MAP7: variants seen among roughly 807,000 people sequenced by gnomAD.
MAP7 encodes the protein microtubule associated protein 7.
A neutral mutation model predicts 94.8 loss-of-function variants in MAP7; 52 were observed. The observed-to-expected ratio is 0.55, with a 90% confidence interval of 0.44 to 0.69. The LOEUF is 0.69. MAP7 is among the 30% of genes least tolerant of loss of function. MAP7 has a pLI of 0.00. For synonymous variants in MAP7, 350 were observed against 357.0 expected, an observed-to-expected ratio of 0.98 and a Z score of 0.22; for missense variants, 940 against 964.6, an observed-to-expected ratio of 0.97 and a Z score of 0.34.
At chr6:136,418,868 C>T (rs1790361132) in intron 2 of MAP7, among the ~76,000 whole-genome samples, 1 of 152,126 alleles carries the variant, frequency 6.6e-6, no homozygotes, top group Admixed American at 6.5e-5. Flanking sequence ...ACACATAACT[C>T]ATATTGTCCT....
chr6:136,482,494 G>A (rs930761061), intron 1 of MAP7, among the ~76,000 whole-genome samples: 4 of 151,940 alleles, frequency 2.6e-5, no homozygotes, highest in Admixed American at 1.3e-4. Context: ...CCAGCCACTC[G>A]GGAGGCTGAG....
intron 1 of MAP7, among the ~76,000 whole-genome samples, chr6:136,539,061 A>C (rs1228526993): frequency 1.3e-5 from 2 of 152,188 alleles, no homozygotes; most frequent in South Asian, 2.1e-4. Context: ...ATTATAAATA[A>C]AAAACGGCTT....
chr6:136,476,398 C>T (rs1427966553), intron 1 of MAP7, among the ~76,000 whole-genome samples: 1 of 152,060 alleles, frequency 6.6e-6, no homozygotes, highest in Non-Finnish European at 1.5e-5. Context: ...TTCTAAAGTA[C>T]CTTCTAGAAC....
intron 16 of MAP7, 130 bp from the exon 17 acceptor site, chr6:136,346,209 G>A (rs1367613216): frequency 6.6e-6 from 4 of 605,564 alleles, no homozygotes; most frequent in African/African-American, 5.6e-5. Flanking sequence ...AGACTGGTGA[G>A]TCACATCATT....
In MAP7 at chr6:136,479,701, T is replaced by A. The variant is rs2876332; in HGVS notation, c.68-57902A>T. On this transcript the variant is annotated intron_variant, in intron 1 of 17. Coordinates refer to ENST00000354570, the MANE Select transcript of MAP7 (RefSeq NM_003980.6). ...CAAACATACAAAAATCAGTAGCATT[T>A]CCATACACCAACAGCAAACAGTCAA... Among the ~76,000 whole-genome samples the A allele has an allele frequency of 6.4e-3, 979 of 152,208 alleles. 25 individuals are homozygous for A. The highest frequency in any genetic ancestry group is 0.052 in the Admixed American group (797 of 15,272).
intron 1 of MAP7, among the ~76,000 whole-genome samples, chr6:136,438,259 A>G (rs1353389509): frequency 6.6e-6 from 1 of 152,254 alleles, no homozygotes; most frequent in Non-Finnish European, 1.5e-5. Flanking sequence ...AGCTTTACAT[A>G]ATCACATCTA....
At chr6:136,450,563 T>C (rs1357028332) in intron 1 of MAP7, among the ~76,000 whole-genome samples, 1 of 152,126 alleles carries the variant, frequency 6.6e-6, no homozygotes, top group African/African-American at 2.4e-5. Flanking sequence ...GGCGGGCTGA[T>C]CACCTGAGGT....
chr6:136,511,242 G>C (rs1439616031), intron 1 of MAP7, among the ~76,000 whole-genome samples: 1 of 151,942 alleles, frequency 6.6e-6, no homozygotes, highest in Admixed American at 6.6e-5. Context: ...GATGGGTAAG[G>C]GGAAGTTATA....
At chr6:136,544,159 C>T (rs1431144652) in intron 1 of MAP7, among the ~76,000 whole-genome samples, 3 of 152,158 alleles carry the variant, frequency 2.0e-5, no homozygotes, top group African/African-American at 7.2e-5. Context: ...TGAGCTCAAG[C>T]GATCTGCCCG....
At chr6:136,346,765 G>A (rs1787818282) in intron 16 of MAP7, among the ~76,000 whole-genome samples, 2 of 152,150 alleles carry the variant, frequency 1.3e-5, no homozygotes, top group African/African-American at 4.8e-5. Context: ...TCAAAGATGA[G>A]GGGATTATAA....
chr6:136,351,915 G>GC, intron 16 of MAP7, among the ~76,000 whole-genome samples: 1 of 152,254 alleles, frequency 6.6e-6, no homozygotes, highest in African/African-American at 2.4e-5. Context: ...CTCCTGCAGT[G>GC]CACAGTGGCC....
chr6:136,502,785 C>T (rs867665132), intron 1 of MAP7, among the ~76,000 whole-genome samples: 2 of 152,314 alleles, frequency 1.3e-5, no homozygotes, highest in Middle Eastern at 3.4e-3. Context: ...ATTCAGACTG[C>T]ACTCTTATAA....
chr6:136,490,679 G>A (rs1816302590), intron 1 of MAP7, among the ~76,000 whole-genome samples: 2 of 152,142 alleles, frequency 1.3e-5, no homozygotes, highest in African/African-American at 4.8e-5. Context: ...GATCTTTCAG[G>A]GTGTGAGTCT....
intron 16 of MAP7, among the ~76,000 whole-genome samples, chr6:136,346,973 T>C: frequency 6.6e-6 from 1 of 152,226 alleles, no homozygotes; most frequent in East Asian, 1.9e-4. Context: ...TTCTTATCTT[T>C]GCCCCTTAAA....
At chr6:136,476,779 G>GTA (rs907942321) in intron 1 of MAP7, among the ~76,000 whole-genome samples, 5 of 152,070 alleles carry the variant, frequency 3.3e-5, no homozygotes, top group African/African-American at 7.2e-5. Context: ...ACATGTGTGT[G>GTA]TATATATATA....
intron 1 of MAP7, among the ~76,000 whole-genome samples, chr6:136,453,943 A>G (rs1801964749): frequency 1.3e-5 from 2 of 152,206 alleles, no homozygotes; most frequent in African/African-American, 4.8e-5. Context: ...AAGAGAAATT[A>G]GTCTTTCTGA....
intron 3 of MAP7, among the ~76,000 whole-genome samples, chr6:136,399,330 A>G (rs76793663): frequency 0.054 from 8,169 of 152,218 alleles, 481 homozygotes; most frequent in African/African-American, 0.14. Flanking sequence ...GTGTGGGATT[A>G]CAATTAGATT....
At chr6:136,417,312 C>T (rs1482422437) in intron 2 of MAP7, among the ~76,000 whole-genome samples, 4 of 152,140 alleles carry the variant, frequency 2.6e-5, no homozygotes, top group African/African-American at 4.8e-5. Context: ...TGACATCTAA[C>T]CTGGGGCATT....
intron 1 of MAP7, among the ~76,000 whole-genome samples, chr6:136,529,274 C>T (rs1027704046): frequency 3.9e-5 from 5 of 128,778 alleles, no homozygotes; most frequent in Non-Finnish European, 7.5e-5. Flanking sequence ...GCCACCACAC[C>T]CAGCTAATTT....
Sources: gnomAD v4.1 joint callset for allele counts (sites outside exome capture counted in the v4.1 genomes callset) on GRCh38, gnomAD v4.1.1 for gene constraint, MANE v1.5 for transcripts, NCBI Gene and HGNC (gene_info 2026-07-23, HGNC 2026-07-21) for gene names.